INPP5K: variants seen among roughly 807,000 people sequenced by gnomAD.
The protein encoded by INPP5K is inositol polyphosphate-5-phosphatase K.
INPP5K carries 35 observed loss-of-function variants against 53.5 expected under a neutral mutation model. That is an observed-to-expected ratio of 0.65 (90% CI 0.50 to 0.87). INPP5K has a LOEUF of 0.87. INPP5K is among the 40% of genes least tolerant of loss of function. The pLI, the probability that INPP5K is intolerant of heterozygous loss-of-function variation, is 0.00. For synonymous variants in INPP5K, 253 were observed against 232.8 expected (o/e 1.09, Z -0.79); for missense variants, 550 against 586.2 (o/e 0.94, Z 0.64).
rs1016370822 is a variant in INPP5K, at chr17:1,508,052, C to T, written c.666+63G>A. 94 of 1,157,346 alleles carry T rather than the reference C, an allele frequency of 8.1e-5. No homozygotes were observed. The African/African-American group carries it at 1.2e-3, about 15-fold the overall frequency. 71.7% of individuals were successfully genotyped at this position (1,157,346 alleles called of 1,614,324 possible). On this transcript the variant is annotated intron_variant, in intron 6 of 11. Coordinates refer to ENST00000421807, the MANE Select transcript of INPP5K (RefSeq NM_016532.4). ...CGAGGGCATCTAGCAACACTCTGCA[C>T]AGCTCACATGGCCCCCACCGTGGGC...
chr17:1,496,511 T>C (rs1277653858), intron 9 of INPP5K, 109 bp from the exon 10 acceptor site: 8 of 1,319,660 alleles, frequency 6.1e-6, no homozygotes, highest in African/African-American at 1.4e-5. Flanking sequence ...ACTGTGTGCC[T>C]CCCCGCCGCC....
chr17:1,514,436 A>T (rs970529891), intron 1 of INPP5K, among the ~76,000 whole-genome samples: 2 of 152,132 alleles, frequency 1.3e-5, no homozygotes, highest in African/African-American at 4.8e-5. Context: ...GAATGGGGAT[A>T]CTGAACCATC....
intron 7 of INPP5K, among the ~76,000 whole-genome samples, chr17:1,505,619 A>T (rs2075135470): frequency 6.6e-6 from 1 of 151,836 alleles, no homozygotes; most frequent in Admixed American, 6.6e-5. Flanking sequence ...CACACTGCTG[A>T]ATCGGCTCAC....
chr17:1,508,128 C>G lies in INPP5K; in HGVS notation c.653G>C (p.Trp218Ser). ...SIKNRCYGGL[W>S]EKDQLSIAKK... ...CTCACTGGATACCTGGTCCTTCTCCCACAGGCCACCGTAGCACCGATTTTT... is the reference window on the plus strand; with the variant it reads ...CTCACTGGATACCTGGTCCTTCTCCGACAGGCCACCGTAGCACCGATTTTT... Residue 218 changes from tryptophan to serine, a missense_variant, in exon 6 of 12, where the codon TGG becomes TCG. Physicochemically the swap from Trp to Ser is radical, Grantham distance 177 (BLOSUM62 -3). Coordinates refer to ENST00000421807, the MANE Select transcript of INPP5K (RefSeq NM_016532.4). 1 of 1,613,582 alleles carries G rather than the reference C, an allele frequency of 6.2e-7. No homozygotes were observed. Among genetic ancestry groups the G allele is most frequent in the Non-Finnish European group, 8.5e-7 (1 of 1,179,498 alleles).
chr17:1,501,858 A>AAC (rs144743570), intron 7 of INPP5K, among the ~76,000 whole-genome samples: 10,188 of 147,748 alleles, frequency 0.069, 404 homozygotes, highest in African/African-American at 0.12. Flanking sequence ...CTCTACTAAA[A>AAC]ACACACACAC....
intron 7 of INPP5K, among the ~76,000 whole-genome samples, chr17:1,499,498 A>G (rs757294916): frequency 1.3e-5 from 2 of 152,156 alleles, no homozygotes; most frequent in African/African-American, 4.8e-5. Context: ...ATCTCCAAAA[A>G]AAAAGGAGTC....
At chr17:1,514,077 C>T (rs1265501697) in intron 1 of INPP5K, 98 bp from the exon 2 acceptor site, 18 of 695,164 alleles carry the variant, frequency 2.6e-5, no homozygotes, top group South Asian at 1.8e-4. Flanking sequence ...CATCACAGCA[C>T]TTTGGGCGGC....
chr17:1,500,566 C>T (rs566563502), intron 7 of INPP5K, among the ~76,000 whole-genome samples: 1,546 of 152,216 alleles, frequency 0.01, 26 homozygotes, highest in African/African-American at 0.035. Context: ...GGGGTTTCAC[C>T]GCATTAGCCA....
Position 1,496,314 on chromosome 17 carries a change from C to T in INPP5K, c.1185+5G>A, listed in dbSNP as rs757415734. 2.1e-5 allele frequency: 33 copies of T among 1,557,318 alleles called. No homozygotes were observed. The highest frequency in any genetic ancestry group is 3.5e-5 in the South Asian group (3 of 84,850). ...CTGGTGATGTACCTGGTGCTGGTGA[C>T]GTACCTGGTTCAGGTTGTCGCTGCA... On this transcript the variant is annotated splice_donor_5th_base_variant and intron_variant, in intron 10 of 11. Transcript: ENST00000421807.
intron 4 of INPP5K, 115 bp from the exon 5 acceptor site, chr17:1,509,468 C>G (rs973202135): frequency 1.9e-6 from 2 of 1,070,848 alleles, no homozygotes; most frequent in Non-Finnish European, 2.8e-6. Context: ...CTCCTAGGGA[C>G]AGTAACTAAG....
chr17:1,516,089 T>C (rs981465089), intron 1 of INPP5K: 5 of 1,139,670 alleles, frequency 4.4e-6, no homozygotes, highest in African/African-American at 1.6e-5. Flanking sequence ...GGGTTCACCA[T>C]GGGATCAGGC....
intron 3 of INPP5K, among the ~76,000 whole-genome samples, chr17:1,510,227 T>C (rs1598387117): frequency 6.6e-6 from 1 of 152,362 alleles, no homozygotes; most frequent in Non-Finnish European, 1.5e-5. Flanking sequence ...CAGCATTCTT[T>C]TTTTTTTGAG....
rs2075173235 is a variant in INPP5K at position 1,507,000 on chromosome 17, G to A, written c.756C>T (p.Asn252=). Residue 252 remains asparagine (N), a synonymous_variant, in exon 7 of 12, where the codon AAC becomes AAT. Transcript: ENST00000421807. ...CTCACCTGGTGTCATAGTCGTTGGA[G>A]TTCCTATCAAACTTGTAGGTGGGCG... ...LFPPTYKFDR[N]SNDYDTSEKK... The A allele has an allele frequency of 6.2e-7, 1 of 1,613,602 alleles. No homozygotes were observed. Among genetic ancestry groups the A allele is most frequent in the South Asian group, 1.1e-5 (1 of 91,076 alleles).
chr17:1,515,714 T>A (rs2075417977), intron 1 of INPP5K: 2 of 686,718 alleles, frequency 2.9e-6, no homozygotes, highest in Non-Finnish European at 3.6e-6. Context: ...TTGGCCAGTT[T>A]AAAGCAACTT....
Position 1,513,570 on chromosome 17 carries a change from G to A in INPP5K, c.153-9C>T. On this transcript the variant is annotated splice_polypyrimidine_tract_variant and intron_variant, in intron 2 of 11. Transcript: ENST00000421807. ...AGTTCAATTCCTGCAAACTGACCAT[G>A]CCAGCTCAGAGGCTTGGCCCCTGGC... 1.2e-6 allele frequency: 2 copies of A among 1,611,774 alleles called. No homozygotes were observed. The highest frequency in any genetic ancestry group is 2.2e-5 in the South Asian group (2 of 91,046).
chr17:1,500,585 T>G (rs1454479533), intron 7 of INPP5K, among the ~76,000 whole-genome samples: 1 of 152,194 alleles, frequency 6.6e-6, no homozygotes, highest in Non-Finnish European at 1.5e-5. Flanking sequence ...CAGGATGGTC[T>G]TGATCTCCTG....
At chr17:1,516,232 C>T (rs1371376005) in intron 1 of INPP5K, 5 of 878,986 alleles carry the variant, frequency 5.7e-6, no homozygotes, top group African/African-American at 3.6e-5. Flanking sequence ...GCAACCGGGA[C>T]ACCTGCTGCG....
At chr17:1,512,594 C>T (rs918143234) in intron 3 of INPP5K, among the ~76,000 whole-genome samples, 1 of 152,114 alleles carries the variant, frequency 6.6e-6, no homozygotes, top group East Asian at 1.9e-4. Flanking sequence ...ATACCAGGTG[C>T]TGTGAATGGG....
At chr17:1,512,633 G>A (rs1302044603) in intron 3 of INPP5K, among the ~76,000 whole-genome samples, 1 of 152,190 alleles carries the variant, frequency 6.6e-6, no homozygotes, top group Non-Finnish European at 1.5e-5. Context: ...GGTGTGCAGG[G>A]CAGAACCAAG....
Sources: allele counts gnomAD v4.1 joint callset (sites outside exome capture counted in the v4.1 genomes callset), GRCh38; gene constraint gnomAD v4.1.1; transcripts MANE v1.5; gene names NCBI Gene and HGNC (gene_info 2026-07-23, HGNC 2026-07-21).